Variants in CSGALNACT1 observed in about 807,000 individuals in gnomAD.
CSGALNACT1 encodes chondroitin sulfate N-acetylgalactosaminyltransferase 1.
In CSGALNACT1, 52 loss-of-function variants were observed where a neutral mutation model predicts 51.0. That is an observed-to-expected ratio of 1.02 (90% CI 0.82 to 1.29). CSGALNACT1 has a LOEUF of 1.29. CSGALNACT1 is among the 50% of genes most tolerant of loss of function. The pLI is 0.00. For synonymous variants in CSGALNACT1, 341 were observed against 254.4 expected, an observed-to-expected ratio of 1.34 and a Z score of -3.24; for missense variants, 935 against 679.2, an observed-to-expected ratio of 1.38 and a Z score of -4.19.
At chr8:19,510,540 G>T (rs2078272054) in intron 3 of CSGALNACT1, among the ~76,000 whole-genome samples, 1 of 152,090 alleles carries the variant, frequency 6.6e-6, no homozygotes, top group African/African-American at 2.4e-5. Flanking sequence ...GGTGAACCAA[G>T]AACAAATCCC....
exon 10 of CSGALNACT1, chr8:19,405,457 T>G (rs1411767447): frequency 1.9e-6 from 1 of 513,124 alleles, no homozygotes; most frequent in Non-Finnish European, 3.8e-6. Context: ...ATCATGAATA[T>G]TTCAATGAGC....
At chr8:19,700,806 C>T (rs941137208) in intron 1 of CSGALNACT1, among the ~76,000 whole-genome samples, 7 of 152,240 alleles carry the variant, frequency 4.6e-5, no homozygotes, top group African/African-American at 2.4e-5. Flanking sequence ...CTTGAGGTCA[C>T]TTTCCTGCAG....
chr8:19,599,753 C>T (rs1480223817), intron 2 of CSGALNACT1, among the ~76,000 whole-genome samples: 1 of 152,192 alleles, frequency 6.6e-6, no homozygotes, highest in Non-Finnish European at 1.5e-5. Flanking sequence ...CCTTGTTTTC[C>T]CAGAACTGCT....
At chr8:19,485,819 T>A (rs1283787160) in intron 4 of CSGALNACT1, among the ~76,000 whole-genome samples, 2 of 127,438 alleles carry the variant, frequency 1.6e-5, no homozygotes, top group African/African-American at 6.0e-5. Flanking sequence ...CAGGCTGAAG[T>A]ACAATGGCAT....
intron 6 of CSGALNACT1, among the ~76,000 whole-genome samples, chr8:19,432,658 T>A (rs900893778): frequency 2.0e-5 from 3 of 152,150 alleles, no homozygotes; most frequent in Non-Finnish European, 2.9e-5. Context: ...AGTTGGCTTA[T>A]CTTGAAGTTT....
In CSGALNACT1 at chr8:19,757,461, C is replaced by T. The variant is rs2154256023; in HGVS notation, c.-297+389G>A. On this transcript the variant is annotated intron_variant, in intron 1 of 1. Transcript: ENST00000517494. The surrounding 1 kb of genome is among the most constrained non-coding windows in gnomAD (Gnocchi z 4.0). Reference sequence around the variant, plus strand: ...GGTTGGCCGCGTACCTCCGCGTCACCCACGGCCTCTCTGCAGTGCGTCCCT... The same window carrying T: ...GGTTGGCCGCGTACCTCCGCGTCACTCACGGCCTCTCTGCAGTGCGTCCCT... Among the ~76,000 whole-genome samples the T allele has an allele frequency of 6.6e-6, 1 of 152,148 alleles. No homozygotes were observed. The highest frequency in any genetic ancestry group is 2.1e-4 in the South Asian group (1 of 4,828).
intron 3 of CSGALNACT1, among the ~76,000 whole-genome samples, chr8:19,521,647 G>A (rs1202179202): frequency 6.6e-6 from 1 of 152,126 alleles, no homozygotes; most frequent in Non-Finnish European, 1.5e-5. Context: ...CACACTACTA[G>A]ACTCCGTCTC....
At chr8:19,643,580 G>A (rs912611390) in intron 1 of CSGALNACT1, among the ~76,000 whole-genome samples, 3 of 151,254 alleles carry the variant, frequency 2.0e-5, no homozygotes, top group African/African-American at 7.3e-5. Context: ...AGAGGTTGCA[G>A]TAAGCCAAGA....
At chr8:19,546,548 A>C (rs2086521717) in intron 3 of CSGALNACT1, among the ~76,000 whole-genome samples, 1 of 152,214 alleles carries the variant, frequency 6.6e-6, no homozygotes, top group Non-Finnish European at 1.5e-5. Flanking sequence ...TTCTTAAACA[A>C]ATGTGGCATC....
chr8:19,703,288 C>A (rs1286684827), intron 1 of CSGALNACT1, among the ~76,000 whole-genome samples: 2 of 152,080 alleles, frequency 1.3e-5, no homozygotes, highest in East Asian at 3.9e-4. Flanking sequence ...TAAGAACAGG[C>A]TGACCTCTCT....
intron 3 of CSGALNACT1, among the ~76,000 whole-genome samples, chr8:19,565,736 C>T (rs544869563): frequency 5.9e-5 from 9 of 152,066 alleles, no homozygotes; most frequent in South Asian, 4.1e-4. Context: ...CTGGCCAACA[C>T]GGTGAAACGC....
At chr8:19,502,725 T>C (rs2076628278) in intron 4 of CSGALNACT1, among the ~76,000 whole-genome samples, 1 of 152,196 alleles carries the variant, frequency 6.6e-6, no homozygotes, top group Non-Finnish European at 1.5e-5. Flanking sequence ...CCTTATAAAA[T>C]CCTGTCACTT....
chr8:19,414,716 A>G (rs566416524), intron 8 of CSGALNACT1, among the ~76,000 whole-genome samples: 2 of 152,320 alleles, frequency 1.3e-5, no homozygotes, highest in Admixed American at 6.5e-5. Context: ...GACTAATGTG[A>G]TCCTATTTCA....
intron 4 of CSGALNACT1, among the ~76,000 whole-genome samples, chr8:19,481,517 T>A (rs1437062974): frequency 6.6e-6 from 1 of 152,106 alleles, no homozygotes; most frequent in Admixed American, 6.5e-5. Flanking sequence ...AAGATCTTCA[T>A]CAAAGTCTAC....
Position 19,543,278 on chromosome 8 carries a change from C to G in CSGALNACT1, c.-296-37148G>C, listed in dbSNP as rs750628458. Among the ~76,000 whole-genome samples, 9 of 152,274 alleles carry G rather than the reference C, an allele frequency of 5.9e-5. No individual in the cohort carries two copies. In the Middle Eastern group the frequency reaches 0.014, roughly 230 times the overall value. Reference sequence around the variant, plus strand: ...ATACTTCAGGTTCAGTGTATTTTTGCAAACTGTTTACCAAGATGAATTGCA... The same window carrying G: ...ATACTTCAGGTTCAGTGTATTTTTGGAAACTGTTTACCAAGATGAATTGCA... On this transcript the variant is annotated intron_variant, in intron 3 of 9. Transcript: ENST00000454498.
At chr8:19,727,112 C>T (rs1271250861) in intron 1 of CSGALNACT1, among the ~76,000 whole-genome samples, 5 of 152,066 alleles carry the variant, frequency 3.3e-5, no homozygotes, top group Non-Finnish European at 7.4e-5. Flanking sequence ...GGAAGGCACC[C>T]GACCTGCTTT....
At chr8:19,550,671 G>A (rs2087790692) in intron 3 of CSGALNACT1, among the ~76,000 whole-genome samples, 5 of 152,110 alleles carry the variant, frequency 3.3e-5, no homozygotes, top group Admixed American at 3.3e-4. Flanking sequence ...GCATTTAAGT[G>A]ATGTCACTGG....
At chr8:19,670,991 A>C (rs1383007721) in intron 1 of CSGALNACT1, among the ~76,000 whole-genome samples, 4 of 152,206 alleles carry the variant, frequency 2.6e-5, no homozygotes, top group African/African-American at 9.7e-5. Context: ...GTCAAAACTC[A>C]AACTGACATT....
chr8:19,633,923 T>A (rs1403598672), intron 1 of CSGALNACT1, among the ~76,000 whole-genome samples: 6 of 151,988 alleles, frequency 3.9e-5, no homozygotes, highest in Non-Finnish European at 7.4e-5. Context: ...TGCACTAACC[T>A]CCTCCCCAGG....
Sources: allele counts gnomAD v4.1 joint callset (sites outside exome capture counted in the v4.1 genomes callset), GRCh38; gene constraint gnomAD v4.1.1; non-coding constraint Gnocchi (gnomAD v3.1); transcripts MANE v1.5; gene names NCBI Gene and HGNC (gene_info 2026-07-23, HGNC 2026-07-21).